Variants in ZMYND8 observed in about 807,000 individuals in gnomAD.
ZMYND8 encodes the protein zinc finger MYND-type containing 8.
Under a neutral mutation model 140.8 loss-of-function variants are expected in ZMYND8, and 37 were observed. The ratio of observed to expected loss-of-function variants is 0.26; its 90% confidence interval spans 0.20 to 0.35. ZMYND8 has a LOEUF of 0.35. Ranked by LOEUF, ZMYND8 falls within the 10% of genes least tolerant of loss-of-function variation. The probability of loss-of-function intolerance (pLI) is 1.00; values close to 1 mark genes in which losing one functional copy is unlikely to be tolerated. For missense variants in ZMYND8, 1,068 were observed against 1,570.0 expected, an observed-to-expected ratio of 0.68 and a Z score of 5.40; for synonymous variants, 592 against 597.1, an observed-to-expected ratio of 0.99 and a Z score of 0.12.
rs775395016 is a variant in ZMYND8 at position 47,210,752 on chromosome 20, G to A, written c.*9C>T. On this transcript the variant is annotated 3_prime_UTR_variant, in exon 23 of 23. Transcript: ENST00000471951. ...CAATGGGGTGGGTGGTTTGTGTCCC[G>A]ATTCACTGCTAGTCCCAGAAGGTGT... 9.0e-5 allele frequency: 145 copies of A among 1,613,978 alleles called. No individual in the cohort carries two copies. Among genetic ancestry groups the A allele is most frequent in the South Asian group, 3.2e-4 (29 of 91,066 alleles).
chr20:47,267,262 G>A (rs2075594741), intron 11 of ZMYND8, among the ~76,000 whole-genome samples: 1 of 148,790 alleles, frequency 6.7e-6, no homozygotes, highest in South Asian at 2.1e-4. Flanking sequence ...AGGGGTGGAA[G>A]TTTGTGGGGG....
At chr20:47,211,218 C>T (rs939886887) in intron 22 of ZMYND8, among the ~76,000 whole-genome samples, 13 of 152,214 alleles carry the variant, frequency 8.5e-5, no homozygotes, top group African/African-American at 2.9e-4. Context: ...TGTATCCTTA[C>T]TACATCACTG....
Position 47,285,422 on chromosome 20 carries a change from C to T in ZMYND8, c.805-1774G>A, listed in dbSNP as rs537846033. On this transcript the variant is annotated intron_variant, in intron 8 of 22. Coordinates refer to ENST00000471951, the MANE Select transcript of ZMYND8 (RefSeq NM_001281775.3). ...CTTCTAAGCCCACTCTACTTCTGAG[C>T]TATTCCAAAGGAACATATCCAAAAC... Among the ~76,000 whole-genome samples, 3 of 152,314 alleles carry T rather than the reference C, an allele frequency of 2.0e-5. No homozygotes were observed. In the East Asian group the frequency reaches 5.8e-4, roughly 29 times the overall value.
At chr20:47,310,305 C>T in intron 2 of ZMYND8, 101 bp from the exon 3 acceptor site, 1 of 1,419,496 alleles carries the variant, frequency 7.0e-7, no homozygotes, top group Non-Finnish European at 9.5e-7. Context: ...AGAGTGCATT[C>T]TGTCCCCCAA....
intron 12 of ZMYND8, among the ~76,000 whole-genome samples, chr20:47,258,798 C>T (rs2074946115): frequency 6.6e-6 from 1 of 152,136 alleles, no homozygotes. Context: ...TAACATTGCC[C>T]TGCTTGTTCT....
chr20:47,251,337 G>C (rs2074152462), intron 12 of ZMYND8, among the ~76,000 whole-genome samples: 1 of 152,250 alleles, frequency 6.6e-6, no homozygotes, highest in South Asian at 2.1e-4. Flanking sequence ...ACCTCTCCCA[G>C]CACTTTCGGA....
chr20:47,227,373 A>G (rs1250489904), intron 17 of ZMYND8, 92 bp from the exon 18 acceptor site: 7 of 1,204,140 alleles, frequency 5.8e-6, no homozygotes, highest in Non-Finnish European at 8.5e-6. Context: ...TGTGAGGGGT[A>G]TGGGAATCAT....
At chr20:47,246,586 C>T (rs1057041122) in intron 13 of ZMYND8, 69 bp from the exon 14 acceptor site, 1 of 1,505,078 alleles carries the variant, frequency 6.6e-7, no homozygotes, top group African/African-American at 1.4e-5. Context: ...AAAATGCAAA[C>T]ATTTTTCCAC....
intron 12 of ZMYND8, among the ~76,000 whole-genome samples, chr20:47,252,728 G>A (rs770992318): frequency 2.9e-4 from 44 of 152,102 alleles, no homozygotes; most frequent in Non-Finnish European, 5.7e-4. Context: ...AGACCAGCCT[G>A]GGCAACATGG....
chr20:47,210,787 ACT>A lies in ZMYND8; in HGVS notation c.3677_3678del (p.Glu1226ValfsTer51). On this transcript the variant is annotated frameshift_variant, in exon 23 of 23. Coordinates refer to ENST00000471951, the MANE Select transcript of ZMYND8 (RefSeq NM_001281775.3). LOFTEE classifies it high-confidence loss of function. ...STSTKSLLPK[E>X]SRLDTFWD ...TAGTCCCAGAAGGTGTCCAGCCGAG[ACT>A]CTTTCGGGAGGAGGCTCTTCGTGCT... 6.2e-7 allele frequency: 1 copy of A among 1,613,528 alleles called. No homozygotes were observed. Among genetic ancestry groups the A allele is most frequent in the Non-Finnish European group, 8.5e-7 (1 of 1,179,892 alleles).
chr20:47,330,751 G>C (rs957591757), intron 2 of ZMYND8, among the ~76,000 whole-genome samples: 14 of 152,178 alleles, frequency 9.2e-5, no homozygotes, highest in African/African-American at 3.4e-4. Context: ...TGAAAACAAA[G>C]CCATCCTCTC....
Position 47,210,563 on chromosome 20 carries a change from G to A in ZMYND8, c.*198C>T, listed in dbSNP as rs2035098108. 1 of 699,026 alleles carries A rather than the reference G, an allele frequency of 1.4e-6. No homozygotes were observed. Among genetic ancestry groups the A allele is most frequent in the Non-Finnish European group, 2.4e-6 (1 of 410,316 alleles). 43.3% of individuals were successfully genotyped at this position (699,026 alleles called of 1,614,324 possible). A position where few individuals can be genotyped will look rare whatever the true frequency, so the allele number is the denominator to read the frequency against. ...ACACCAAAAGCACAGGGCTCGTGTGGGTGAACAGTCTGCAGTCAAAGCCGA... is the reference window on the plus strand; with the variant it reads ...ACACCAAAAGCACAGGGCTCGTGTGAGTGAACAGTCTGCAGTCAAAGCCGA... On this transcript the variant is annotated 3_prime_UTR_variant, in exon 23 of 23. Coordinates refer to ENST00000471951, the MANE Select transcript of ZMYND8 (RefSeq NM_001281775.3).
intron 12 of ZMYND8, among the ~76,000 whole-genome samples, chr20:47,255,740 A>G (rs1186227239): frequency 0.05 from 1,740 of 34,850 alleles, 91 homozygotes; most frequent in African/African-American, 0.14. Context: ...ATATATATAT[A>G]TATATATATA....
intron 2 of ZMYND8, among the ~76,000 whole-genome samples, chr20:47,313,421 G>T (rs931637382): frequency 6.6e-6 from 1 of 151,920 alleles, no homozygotes; most frequent in Non-Finnish European, 1.5e-5. Flanking sequence ...AGGAGATCGA[G>T]ACCATCCTGG....
intron 13 of ZMYND8, among the ~76,000 whole-genome samples, chr20:47,248,565 A>G (rs1391410734): frequency 2.0e-5 from 3 of 152,212 alleles, no homozygotes; most frequent in African/African-American, 7.2e-5. Flanking sequence ...TTATTCAACA[A>G]ACATTCCAGA....
chr20:47,304,012 T>C (rs1253335994), intron 3 of ZMYND8, among the ~76,000 whole-genome samples: 2 of 152,214 alleles, frequency 1.3e-5, no homozygotes, highest in Non-Finnish European at 2.9e-5. Flanking sequence ...TTGTAAGTGT[T>C]TCCTGTTCCA....
intron 2 of ZMYND8, among the ~76,000 whole-genome samples, chr20:47,331,723 A>C (rs1464381293): frequency 3.3e-5 from 5 of 152,144 alleles, no homozygotes; most frequent in African/African-American, 1.2e-4. Flanking sequence ...AGGAAGAGAG[A>C]GTGTCCACAA....
intron 10 of ZMYND8, among the ~76,000 whole-genome samples, chr20:47,277,146 G>A (rs2076304905): frequency 6.6e-6 from 1 of 152,164 alleles, no homozygotes; most frequent in South Asian, 2.1e-4. Context: ...TATTCCTCAG[G>A]TTACACTCAG....
At chr20:47,287,184 C>G (rs1390261501) in intron 8 of ZMYND8, 45 bp downstream of exon 8, 2 of 1,562,852 alleles carry the variant, frequency 1.3e-6, no homozygotes, top group African/African-American at 2.7e-5. Context: ...TGCCCCATCC[C>G]CTCCTTCTGG....
Sources: gnomAD v4.1 joint callset for allele counts (sites outside exome capture counted in the v4.1 genomes callset) on GRCh38, gnomAD v4.1.1 for gene constraint, MANE v1.5 for transcripts, NCBI Gene and HGNC (gene_info 2026-07-23, HGNC 2026-07-21) for gene names.